Variants in NRG2 observed in about 807,000 individuals in gnomAD.
NRG2 encodes pro-neuregulin-2, membrane-bound isoform.
A neutral mutation model predicts 73.9 loss-of-function variants in NRG2; 27 were observed. The observed-to-expected ratio is 0.37, with a 90% CI of 0.27 to 0.50. The LOEUF (loss-of-function observed/expected upper bound fraction) is 0.50. NRG2 is among the 20% of genes least tolerant of loss of function. NRG2 has a pLI of 0.96. For synonymous variants in NRG2, 532 were observed against 541.0 expected (o/e 0.98, Z 0.23); for missense variants, 1,126 against 1,210.1 (o/e 0.93, Z 1.03).
intron 1 of NRG2, among the ~76,000 whole-genome samples, chr5:139,987,923 C>T (rs964469970): frequency 1.3e-5 from 2 of 152,082 alleles, no homozygotes; most frequent in Non-Finnish European, 2.9e-5. Context: ...TATAGGCGCA[C>T]ACCGCCATGC....
At chr5:139,938,941 GAAAGAAAGA>G (rs1753123791) in intron 1 of NRG2, among the ~76,000 whole-genome samples, 1 of 113,182 alleles carries the variant, frequency 8.8e-6, no homozygotes, top group African/African-American at 3.6e-5. Context: ...AAGAAAGAAA[GAAAGAAAGA>G]AAGAAAGAAA....
Position 139,847,885 on chromosome 5 carries a change from G to A in NRG2, c.*32C>T. The A allele has an allele frequency of 2.9e-6, 4 of 1,364,216 alleles. 1 individual carries two copies. The South Asian group carries it at 6.6e-5, about 22-fold the overall frequency. 84.5% of individuals were successfully genotyped at this position (1,364,216 alleles called of 1,614,324 possible). On this transcript the variant is annotated 3_prime_UTR_variant, in exon 10 of 10. Transcript: ENST00000361474. ...CTCTGGTCTCCTTAAAGATAGTGGG[G>A]CGGGCGGGGCGGAGGGGCGCGCGGC...
rs138260938 is a variant in NRG2, at chr5:139,923,191, G to A, written c.701-35680C>T. On this transcript the variant is annotated intron_variant, in intron 1 of 9. Coordinates refer to ENST00000361474, the MANE Select transcript of NRG2 (RefSeq NM_004883.3). Reference sequence around the variant, plus strand: ...ATGTCGATAGTGGGTTTGATTGTGCGTGTGTGGGACAGGGAGGGTGTGGGA... The same window carrying A: ...ATGTCGATAGTGGGTTTGATTGTGCATGTGTGGGACAGGGAGGGTGTGGGA... Among the ~76,000 whole-genome samples the A allele has an allele frequency of 3.0e-4, 46 of 152,264 alleles. 1 individual carries two copies. The highest frequency in any genetic ancestry group is 9.4e-4 in the African/African-American group (39 of 41,540).
intron 1 of NRG2, among the ~76,000 whole-genome samples, chr5:139,947,352 G>A (rs901178978): frequency 6.6e-6 from 1 of 152,092 alleles, no homozygotes; most frequent in Non-Finnish European, 1.5e-5. Flanking sequence ...TTTGTGACTG[G>A]CTTCTTTCAC....
intron 1 of NRG2, among the ~76,000 whole-genome samples, chr5:139,934,660 C>T (rs1191117576): frequency 6.6e-6 from 1 of 152,080 alleles, no homozygotes; most frequent in Non-Finnish European, 1.5e-5. Flanking sequence ...GTAAACATCC[C>T]AATTTTAAAG....
intron 1 of NRG2, among the ~76,000 whole-genome samples, chr5:139,973,136 C>T (rs957544269): frequency 2.5e-4 from 30 of 118,952 alleles, no homozygotes; most frequent in South Asian, 1.4e-3. Flanking sequence ...GGGAATGCAT[C>T]CTAAAGAAGT....
At chr5:139,932,414 T>C in intron 1 of NRG2, among the ~76,000 whole-genome samples, 1 of 147,216 alleles carries the variant, frequency 6.8e-6, no homozygotes, top group Non-Finnish European at 1.5e-5. Context: ...TAGTAGATTT[T>C]TTTTTTTAAA....
In NRG2 at chr5:139,847,664, C is replaced by CT. The variant is rs1224276806; in HGVS notation, c.*252dup. On this transcript the variant is annotated 3_prime_UTR_variant, in exon 10 of 10. Coordinates refer to ENST00000361474, the MANE Select transcript of NRG2 (RefSeq NM_004883.3). ...CATCTCTCTTTTTTTTTTGTTGTTT[C>CT]TTTTTTTTTTCCGAAGCTGTAAATC... 0.015 allele frequency: 4,163 copies of CT among 283,470 alleles called. No individual in the cohort carries two copies. Among genetic ancestry groups the CT allele is most frequent in the East Asian group, 0.022 (376 of 17,340 alleles). 17.6% of individuals were successfully genotyped at this position (283,470 alleles called of 1,614,324 possible). A position where few individuals can be genotyped will look rare whatever the true frequency, so the allele number is the denominator to read the frequency against.
At chr5:139,930,826 T>C (rs1298588861) in intron 1 of NRG2, among the ~76,000 whole-genome samples, 1 of 152,200 alleles carries the variant, frequency 6.6e-6, no homozygotes, top group Non-Finnish European at 1.5e-5. Context: ...TGGGATGCTG[T>C]CTGAAGTAAC....
At chr5:139,903,723 G>T (rs1489302950) in intron 1 of NRG2, among the ~76,000 whole-genome samples, 1 of 152,250 alleles carries the variant, frequency 6.6e-6, no homozygotes, top group African/African-American at 2.4e-5. Context: ...CCAGTTCCCA[G>T]GGAACTGTCA....
intron 1 of NRG2, among the ~76,000 whole-genome samples, chr5:139,952,864 C>A (rs961073980): frequency 2.0e-5 from 3 of 152,160 alleles, no homozygotes; most frequent in Admixed American, 2.0e-4. Flanking sequence ...CAGAGGGAGG[C>A]AACATCTGGC....
intron 3 of NRG2, among the ~76,000 whole-genome samples, chr5:139,877,744 C>T (rs927132770): frequency 6.6e-6 from 1 of 152,154 alleles, no homozygotes; most frequent in Non-Finnish European, 1.5e-5. Context: ...TCAGAATCCC[C>T]GAATTTTAGA....
intron 1 of NRG2, among the ~76,000 whole-genome samples, chr5:139,929,751 C>T (rs370952373): frequency 1.2e-4 from 19 of 152,298 alleles, no homozygotes; most frequent in African/African-American, 4.1e-4. Flanking sequence ...CGTGACTTCT[C>T]GGCAGGCCCT....
chr5:140,031,739 T>G (rs1187958464), intron 1 of NRG2, among the ~76,000 whole-genome samples: 1 of 152,122 alleles, frequency 6.6e-6, no homozygotes, highest in African/African-American at 2.4e-5. Context: ...TCTAAGCAAG[T>G]GCGGCAAGGT....
At chr5:139,953,946 C>T (rs1412651535) in intron 1 of NRG2, among the ~76,000 whole-genome samples, 1 of 152,130 alleles carries the variant, frequency 6.6e-6, no homozygotes, top group Non-Finnish European at 1.5e-5. Flanking sequence ...TCATGAAACC[C>T]CTCCCCCATC....
rs1420294571 is a variant in NRG2, at chr5:139,870,101, G to A, written c.1112+1620C>T. ...AGGAGACAAGGAAATGGGGATGCAG[G>A]GCTGGGTCATCCCTGTGAGGTATTC... is the stretch of plus-strand genomic sequence containing the variant. On this transcript the variant is annotated intron_variant, in intron 4 of 9. Transcript: ENST00000361474. The surrounding 1 kb of genome is among the most constrained non-coding windows in gnomAD (Gnocchi z 4.4). Among the ~76,000 whole-genome samples the A allele has an allele frequency of 6.6e-6, 1 of 152,168 alleles. No individual in the cohort carries two copies. Among genetic ancestry groups the A allele is most frequent in the East Asian group, 1.9e-4 (1 of 5,204 alleles).
chr5:139,922,418 AG>A (rs1751744033), intron 1 of NRG2, among the ~76,000 whole-genome samples: 3 of 152,232 alleles, frequency 2.0e-5, no homozygotes. Context: ...TACACCTATT[AG>A]AATGCCCCGA....
intron 1 of NRG2, among the ~76,000 whole-genome samples, chr5:139,982,274 C>T (rs1004740677): frequency 1.3e-5 from 2 of 152,108 alleles, no homozygotes; most frequent in Admixed American, 6.6e-5. Flanking sequence ...CTACAGCTGC[C>T]CAGCATGATC....
intron 1 of NRG2, among the ~76,000 whole-genome samples, chr5:139,926,335 C>G (rs1752058544): frequency 6.6e-6 from 1 of 152,198 alleles, no homozygotes; most frequent in Non-Finnish European, 1.5e-5. Context: ...GATGGCCCCA[C>G]AGAGGCAGCA....
Sources: gnomAD v4.1 joint callset for allele counts (sites outside exome capture counted in the v4.1 genomes callset) on GRCh38, gnomAD v4.1.1 for gene constraint, Gnocchi (gnomAD v3.1) non-coding constraint, MANE v1.5 for transcripts, NCBI Gene and HGNC (gene_info 2026-07-23, HGNC 2026-07-21) for gene names.